Variants in SH3PXD2B observed in about 807,000 individuals in gnomAD.
The protein encoded by SH3PXD2B is SH3 and PX domains 2B.
In SH3PXD2B, 37 loss-of-function variants were observed where a neutral mutation model predicts 73.1. The observed-to-expected ratio is 0.51, with a 90% CI of 0.39 to 0.67. SH3PXD2B has a LOEUF of 0.67. SH3PXD2B is among the 30% of genes least tolerant of loss of function. The pLI is 0.00. For missense variants in SH3PXD2B, 1,053 were observed against 1,197.8 expected, an observed-to-expected ratio of 0.88 and a Z score of 1.78; for synonymous variants, 457 against 480.5, an observed-to-expected ratio of 0.95 and a Z score of 0.64.
chr5:172,398,915 A>G (rs1758366922), intron 3 of SH3PXD2B, among the ~76,000 whole-genome samples: 1 of 152,150 alleles, frequency 6.6e-6, no homozygotes, highest in African/African-American at 2.4e-5. Flanking sequence ...TTTTCGCTTC[A>G]TTACACTCCC....
Position 172,350,526 on chromosome 5 carries a change from C to T in SH3PXD2B, c.849G>A (p.Leu283=). 6.2e-7 allele frequency: 1 copy of T among 1,614,048 alleles called. No individual in the cohort carries two copies. The highest frequency in any genetic ancestry group is 8.5e-7 in the Non-Finnish European group (1 of 1,179,966). Residue 283 remains leucine (L), a synonymous_variant, in exon 10 of 13, where the codon TTG becomes TTA. Transcript: ENST00000311601. The part of the protein sequence containing the change: ...SYLKKNSGEP[L]PPKPGPGSPS... ...GTGAGCCAGGGCCTGGCTTCGGGGG[C>T]AAGGGCTCCCCACTGTTCTTCTTTA...
At chr5:172,420,086 C>G (rs908446829) in intron 2 of SH3PXD2B, among the ~76,000 whole-genome samples, 1 of 152,238 alleles carries the variant, frequency 6.6e-6, no homozygotes, top group African/African-American at 2.4e-5. Flanking sequence ...GGCATCCCCA[C>G]TGTGATCCTC....
intron 2 of SH3PXD2B, 139 bp downstream of exon 2, chr5:172,422,277 G>T (rs1037882120): frequency 5.0e-5 from 40 of 792,894 alleles, no homozygotes; most frequent in African/African-American, 2.7e-4. Context: ...TTACAGGTGT[G>T]AGCCACCACG....
At chr5:172,327,376 C>A (rs1756465969) in intron 12 of SH3PXD2B, among the ~76,000 whole-genome samples, 1 of 152,160 alleles carries the variant, frequency 6.6e-6, no homozygotes, top group African/African-American at 2.4e-5. Context: ...CCAGGTCTAA[C>A]CCTAAAGCCC....
intron 1 of SH3PXD2B, among the ~76,000 whole-genome samples, chr5:172,424,319 A>T (rs951747903): frequency 2.0e-5 from 3 of 151,994 alleles, no homozygotes; most frequent in Non-Finnish European, 2.9e-5. Flanking sequence ...ACTGATGGTC[A>T]TGTAGGATTT....
At chr5:172,361,386 A>G (rs149756465) in intron 7 of SH3PXD2B, among the ~76,000 whole-genome samples, 8 of 152,286 alleles carry the variant, frequency 5.3e-5, no homozygotes, top group Non-Finnish European at 8.8e-5. Context: ...AGTACAATAT[A>G]ATTAAAAATA....
Position 172,448,352 on chromosome 5 carries a change from C to T in SH3PXD2B, c.75+5926G>A, listed in dbSNP as rs115774510. Among the ~76,000 whole-genome samples the T allele has an allele frequency of 3.3e-3, 496 of 152,214 alleles. 3 individuals carry two copies. Among genetic ancestry groups the T allele is most frequent in the African/African-American group, 0.011 (440 of 41,542 alleles). ...TTTCATGACTACCATTTATTGAGTA[C>T]CTTTATTTTATTTTTGCCGACAGAG... On this transcript the variant is annotated intron_variant, in intron 1 of 12. Coordinates refer to ENST00000311601, the MANE Select transcript of SH3PXD2B (RefSeq NM_001017995.3).
intron 1 of SH3PXD2B, among the ~76,000 whole-genome samples, chr5:172,424,462 T>G (rs1759049983): frequency 6.6e-6 from 1 of 152,214 alleles, no homozygotes; most frequent in South Asian, 2.1e-4. Context: ...TCTTTTCAAA[T>G]GAGTTCTTAG....
At chr5:172,406,558 G>A (rs1758563569) in intron 2 of SH3PXD2B, among the ~76,000 whole-genome samples, 1 of 152,128 alleles carries the variant, frequency 6.6e-6, no homozygotes, top group Admixed American at 6.5e-5. Context: ...ATCCACAGCC[G>A]CCAGATTTGT....
chr5:172,395,526 G>A (rs922342855), intron 3 of SH3PXD2B, among the ~76,000 whole-genome samples: 1 of 152,132 alleles, frequency 6.6e-6, no homozygotes, highest in Non-Finnish European at 1.5e-5. Context: ...AGGAAAACAC[G>A]GGTATATACA....
chr5:172,373,023 C>T (rs1287285510), intron 6 of SH3PXD2B, among the ~76,000 whole-genome samples: 14 of 152,202 alleles, frequency 9.2e-5, no homozygotes, highest in African/African-American at 3.4e-4. Flanking sequence ...CGCAATTTCC[C>T]ACCTTCTCTT....
intron 9 of SH3PXD2B, among the ~76,000 whole-genome samples, chr5:172,352,109 A>G (rs1757169926): frequency 6.6e-6 from 1 of 152,224 alleles, no homozygotes; most frequent in South Asian, 2.1e-4. Flanking sequence ...AGAGACCTTG[A>G]GTCTAATTAA....
At chr5:172,399,857 A>T (rs1434415893) in intron 3 of SH3PXD2B, among the ~76,000 whole-genome samples, 1 of 152,166 alleles carries the variant, frequency 6.6e-6, no homozygotes, top group African/African-American at 2.4e-5. Flanking sequence ...TATTGGGCTT[A>T]TGTGCCTTTT....
intron 6 of SH3PXD2B, among the ~76,000 whole-genome samples, chr5:172,364,448 T>C (rs1757465488): frequency 6.6e-6 from 1 of 152,100 alleles, no homozygotes. Flanking sequence ...GTGGATCACC[T>C]GAGGTCAGGA....
In SH3PXD2B at chr5:172,414,786, G is replaced by A. The variant is rs141274379; in HGVS notation, c.156+7630C>T. 2.9e-3 allele frequency among the ~76,000 whole-genome samples: 449 copies of A among 152,298 alleles called. 4 individuals are homozygous for A. Among genetic ancestry groups the A allele is most frequent in the Middle Eastern group, 0.01 (3 of 294 alleles). On this transcript the variant is annotated intron_variant, in intron 2 of 12. Transcript: ENST00000311601. ...GCATTTCTCCCGAGGGCTCCTTCACGGGCAGAGTGACTCAGCTGGTTCTGT... is the reference window on the plus strand; with the variant it reads ...GCATTTCTCCCGAGGGCTCCTTCACAGGCAGAGTGACTCAGCTGGTTCTGT...
rs913877461 is a variant in SH3PXD2B, at chr5:172,335,627, G to A, written c.*2742C>T. ...GCCCGGTGCTTGGCACCATTGTCAC[G>A]ATGGGCCTGGACACTTTCTAGAGCC... On this transcript the variant is annotated 3_prime_UTR_variant, in exon 13 of 13. Coordinates refer to ENST00000311601, the MANE Select transcript of SH3PXD2B (RefSeq NM_001017995.3). 22 of 1,231,742 alleles carry A rather than the reference G, an allele frequency of 1.8e-5. 1 individual carries two copies. Among genetic ancestry groups the A allele is most frequent in the Admixed American group, 4.2e-5 (1 of 23,704 alleles). 76.3% of individuals were successfully genotyped at this position (1,231,742 alleles called of 1,614,324 possible). A position where few individuals can be genotyped will look rare whatever the true frequency, so the allele number is the denominator to read the frequency against.
chr5:172,372,277 C>T (rs1757722861), intron 6 of SH3PXD2B, among the ~76,000 whole-genome samples: 2 of 152,128 alleles, frequency 1.3e-5, no homozygotes, highest in Non-Finnish European at 2.9e-5. Context: ...CCCTTTGGTG[C>T]TGTCTCGAGA....
chr5:172,333,294 G>A (rs1581254452), downstream of SH3PXD2B, among the ~76,000 whole-genome samples: 1 of 152,052 alleles, frequency 6.6e-6, no homozygotes, highest in African/African-American at 2.4e-5. Context: ...ACCATCCTTT[G>A]GACATAAAGG....
chr5:172,439,682 G>GCGCACACACA (rs1472575427), intron 1 of SH3PXD2B, among the ~76,000 whole-genome samples: 3 of 109,488 alleles, frequency 2.7e-5, no homozygotes, highest in African/African-American at 7.3e-5. Context: ...GTGCGTGCGC[G>GCGCACACACA]CACGCGCGCG....
Sources: gnomAD v4.1 joint callset for allele counts (sites outside exome capture counted in the v4.1 genomes callset) on GRCh38, gnomAD v4.1.1 for gene constraint, MANE v1.5 for transcripts, NCBI Gene and HGNC (gene_info 2026-07-23, HGNC 2026-07-21) for gene names.